The following MICAL2 variants were observed in gnomAD, a reference collection of about 807,000 sequenced individuals.
MICAL2 encodes the protein [F-actin]-monooxygenase MICAL2.
Under a neutral mutation model 127.3 loss-of-function variants are expected in MICAL2, and 77 were observed. That is an observed-to-expected ratio of 0.60 (90% CI 0.50 to 0.73). MICAL2 has a LOEUF of 0.73. MICAL2 is among the 30% of genes least tolerant of loss of function. MICAL2 has a pLI of 0.00. For synonymous variants in MICAL2, 570 were observed against 551.1 expected (o/e 1.03, Z -0.48); for missense variants, 1,351 against 1,434.4 (o/e 0.94, Z 0.94).
Position 12,220,300 on chromosome 11 carries a change from C to A in MICAL2, c.1048C>A (p.Gln350Lys). The change falls in exon 9 of 28, where the codon CAG becomes AAG. Residue 350 changes from glutamine (Q) to lysine (K), a missense_variant. By Grantham distance (53) the Gln-to-Lys change is moderately conservative. Transcript: ENST00000683283. ...AGCTGCAGACTTTGCCACCAACTAC[C>A]AGCTGCCATCCTTAGACTTTGCCAT... The part of the protein sequence containing the change: ...REAADFATNY[Q>K]LPSLDFAMNH... 6.2e-7 allele frequency: 1 copy of A among 1,614,250 alleles called. No homozygotes were observed. The highest frequency in any genetic ancestry group is 8.5e-7 in the Non-Finnish European group (1 of 1,180,042).
intron 29 of MICAL2, chr11:12,319,560 C>T: frequency 1.6e-6 from 1 of 640,990 alleles, no homozygotes; most frequent in East Asian, 2.8e-5. Flanking sequence ...TTGCCTCATG[C>T]TCACGGCAGG....
intron 1 of MICAL2, among the ~76,000 whole-genome samples, chr11:12,137,786 A>G (rs2133599795): frequency 6.6e-6 from 1 of 152,332 alleles, no homozygotes; most frequent in East Asian, 1.9e-4. Flanking sequence ...ATCATTAGAA[A>G]TATTTTGTAA....
At chr11:12,266,445 A>G (rs959437634), downstream of MICAL2, among the ~76,000 whole-genome samples, 1 of 152,076 alleles carries the variant, frequency 6.6e-6, no homozygotes, top group African/African-American at 2.4e-5. Flanking sequence ...CAACTTAAGA[A>G]AAAAAAAGGC....
downstream of MICAL2, chr11:12,294,518 C>G: frequency 1.2e-6 from 2 of 1,614,144 alleles, no homozygotes; most frequent in Middle Eastern, 3.3e-4. Flanking sequence ...TAGGTCCCCA[C>G]CCTGCAGCAA....
At chr11:12,277,729 C>T (rs1482988582) in intron 1 of MICAL2, among the ~76,000 whole-genome samples, 3 of 152,174 alleles carry the variant, frequency 2.0e-5, no homozygotes, top group South Asian at 2.1e-4. Flanking sequence ...TCTGGGTATC[C>T]AGTCATGCAT....
downstream of MICAL2, among the ~76,000 whole-genome samples, chr11:12,266,602 G>A (rs1308919067): frequency 1.3e-5 from 2 of 152,236 alleles, no homozygotes; most frequent in Non-Finnish European, 1.5e-5. Context: ...CAACCTTGCG[G>A]TCAGTACTGA....
intron 11 of MICAL2, among the ~76,000 whole-genome samples, 187 bp from the exon 12 acceptor site, chr11:12,223,224 T>C (rs1194561486): frequency 2.0e-5 from 3 of 152,206 alleles, no homozygotes; most frequent in Non-Finnish European, 4.4e-5. Flanking sequence ...TGCCTGCATC[T>C]GGGTGGAAGA....
chr11:12,179,526 G>A (rs770719289), intron 3 of MICAL2, among the ~76,000 whole-genome samples: 6 of 152,150 alleles, frequency 3.9e-5, no homozygotes, highest in Admixed American at 2.0e-4. Context: ...CATGAGACCT[G>A]CTGCAAATCC....
At chr11:12,348,153 C>A (rs74926005) in intron 32 of MICAL2, among the ~76,000 whole-genome samples, 489 of 78,780 alleles carry the variant, frequency 6.2e-3, no homozygotes, top group East Asian at 0.013. Context: ...GACTCTGTCT[C>A]AAAAAAAAAA....
chr11:12,271,644 A>C (rs972485785), upstream of MICAL2, among the ~76,000 whole-genome samples: 19 of 152,122 alleles, frequency 1.2e-4, no homozygotes, highest in African/African-American at 4.3e-4. Flanking sequence ...TGCTTTTGTT[A>C]CTGTCATTAG....
chr11:12,157,495 C>G (rs1854316385), intron 2 of MICAL2, among the ~76,000 whole-genome samples: 2 of 152,188 alleles, frequency 1.3e-5, no homozygotes, highest in Non-Finnish European at 2.9e-5. Flanking sequence ...AGAGACTCCA[C>G]TTGGCAAAAA....
At chr11:12,165,147 A>AAC (rs1855335311) in intron 3 of MICAL2, among the ~76,000 whole-genome samples, 2 of 125,646 alleles carry the variant, frequency 1.6e-5, no homozygotes, top group African/African-American at 6.1e-5. Flanking sequence ...TCAAAAAAAA[A>AAC]AAAAAAAAGA....
intron 29 of MICAL2, among the ~76,000 whole-genome samples, chr11:12,311,260 C>T (rs994977313): frequency 6.6e-6 from 1 of 152,110 alleles, no homozygotes; most frequent in Non-Finnish European, 1.5e-5. Context: ...ATAAACCCAG[C>T]TTGGTCATAA....
intron 3 of MICAL2, among the ~76,000 whole-genome samples, chr11:12,186,709 C>T (rs1031571094): frequency 2.0e-5 from 3 of 152,170 alleles, no homozygotes; most frequent in Non-Finnish European, 4.4e-5. Flanking sequence ...GCTCAAGAGC[C>T]TACTGGGAGT....
chr11:12,127,872 T>G (rs2133526339), intron 1 of MICAL2, among the ~76,000 whole-genome samples: 1 of 152,142 alleles, frequency 6.6e-6, no homozygotes, highest in East Asian at 1.9e-4. Context: ...ATTTGACACT[T>G]TCCTCACTGT....
At chr11:12,317,757 A>T (rs1353799619) in intron 29 of MICAL2, among the ~76,000 whole-genome samples, 1 of 150,498 alleles carries the variant, frequency 6.6e-6, no homozygotes, top group African/African-American at 2.4e-5. Flanking sequence ...ATGCCACTAC[A>T]CTCCAGCCTG....
At position 12,174,639 on chromosome 11, in the gene MICAL2, T is replaced by C. The variant is rs1238616748; in HGVS notation, c.264+12220T>C. On this transcript the variant is annotated intron_variant, in intron 3 of 27. Coordinates refer to ENST00000683283, the MANE Select transcript of MICAL2 (RefSeq NM_001282663.2). ...TTGGCTAAGATGAATAATGTGGTGA[T>C]GAACACTGACGTGCAAGTATCAGTT... Among the ~76,000 whole-genome samples the C allele has an allele frequency of 9.2e-5, 14 of 152,088 alleles. 1 individual carries two copies. In the East Asian group the frequency reaches 2.5e-3, roughly 27 times the overall value.
intron 34 of MICAL2, among the ~76,000 whole-genome samples, chr11:12,357,698 C>A (rs1948472): frequency 6.6e-6 from 1 of 151,832 alleles, no homozygotes; most frequent in African/African-American, 2.4e-5. Context: ...ATTGGCCAGG[C>A]GTGGTGGGAG....
At chr11:12,170,278 C>T (rs983112718) in intron 3 of MICAL2, among the ~76,000 whole-genome samples, 32 of 151,930 alleles carry the variant, frequency 2.1e-4, no homozygotes, top group Non-Finnish European at 3.5e-4. Flanking sequence ...GGCAATACCC[C>T]GTCTATACAA....
Sources: allele counts gnomAD v4.1 joint callset (sites outside exome capture counted in the v4.1 genomes callset), GRCh38; gene constraint gnomAD v4.1.1; transcripts MANE v1.5; gene names NCBI Gene and HGNC (gene_info 2026-07-23, HGNC 2026-07-21).